The following PRKG1 variants were observed in gnomAD, a reference collection of about 807,000 sequenced individuals.
PRKG1 encodes the protein protein kinase cGMP-dependent 1, also known as cGMP-dependent protein kinase 1.
PRKG1 carries 35 observed loss-of-function variants against 88.1 expected under a neutral mutation model. The observed-to-expected ratio is 0.40, with a 90% CI of 0.30 to 0.53. PRKG1 has a LOEUF of 0.53. Among genes scored for constraint, PRKG1 ranks in the 20% least tolerant of loss-of-function variants. PRKG1 has a pLI of 0.59. For missense variants in PRKG1, 540 were observed against 839.8 expected (o/e 0.64, Z 4.41); for synonymous variants, 303 against 292.5 (o/e 1.04, Z -0.37).
chr10:51,602,780 G>GTGTGTGTA (rs1267497718), intron 3 of PRKG1, among the ~76,000 whole-genome samples: 3 of 126,486 alleles, frequency 2.4e-5, no homozygotes, highest in African/African-American at 1.2e-4. Context: ...GTGTGTGTGT[G>GTGTGTGTA]TATATATTCA....
chr10:51,400,536 T>A (rs769284587), intron 2 of PRKG1, among the ~76,000 whole-genome samples: 14 of 152,156 alleles, frequency 9.2e-5, no homozygotes, highest in Non-Finnish European at 1.8e-4. Flanking sequence ...GATTCAAACA[T>A]CCAGACGTAG....
chr10:51,251,644 T>C (rs1028255196), intron 2 of PRKG1, among the ~76,000 whole-genome samples: 1 of 151,750 alleles, frequency 6.6e-6, no homozygotes, highest in Non-Finnish European at 1.5e-5. Context: ...CTAAAAGGTA[T>C]TTTTTACCCC....
chr10:51,147,007 C>T (rs777805683), intron 1 of PRKG1, among the ~76,000 whole-genome samples: 1 of 151,964 alleles, frequency 6.6e-6, no homozygotes, highest in Non-Finnish European at 1.5e-5. Context: ...CATAGATGAA[C>T]CTGGAGGACA....
At chr10:51,323,872 A>G (rs1009113218) in intron 2 of PRKG1, among the ~76,000 whole-genome samples, 1 of 152,138 alleles carries the variant, frequency 6.6e-6, no homozygotes, top group East Asian at 1.9e-4. Context: ...AGATTGCTTG[A>G]GCCCAGGAGT....
At chr10:51,207,711 A>C (rs549496541) in intron 2 of PRKG1, among the ~76,000 whole-genome samples, 2 of 152,290 alleles carry the variant, frequency 1.3e-5, no homozygotes, top group East Asian at 3.9e-4. Flanking sequence ...GCAGATTACA[A>C]GTAAGTGGAA....
chr10:51,575,503 C>T (rs1011292403), intron 3 of PRKG1, among the ~76,000 whole-genome samples: 4 of 151,952 alleles, frequency 2.6e-5, no homozygotes, highest in South Asian at 2.1e-4. Flanking sequence ...TTATATTTTA[C>T]CTGGGTTGAT....
At chr10:51,865,871 A>AT (rs1036979875) in intron 4 of PRKG1, among the ~76,000 whole-genome samples, 5 of 152,034 alleles carry the variant, frequency 3.3e-5, no homozygotes, top group Non-Finnish European at 7.4e-5. Flanking sequence ...AATAAGCATT[A>AT]TTTTTTAAAT....
At chr10:51,471,226 T>G (rs555978148) in intron 3 of PRKG1, among the ~76,000 whole-genome samples, 1 of 151,968 alleles carries the variant, frequency 6.6e-6, no homozygotes, top group Non-Finnish European at 1.5e-5. Flanking sequence ...ATCTTTCCAA[T>G]CACAAACATT....
intron 3 of PRKG1, among the ~76,000 whole-genome samples, chr10:51,759,194 T>A (rs1837953263): frequency 6.6e-6 from 1 of 152,184 alleles, no homozygotes; most frequent in Admixed American, 6.5e-5. Flanking sequence ...TGATTTATAA[T>A]CCTTTGGGTA....
chr10:51,505,302 T>G (rs1197147071), intron 3 of PRKG1, among the ~76,000 whole-genome samples: 32 of 152,222 alleles, frequency 2.1e-4, no homozygotes, highest in Admixed American at 2.1e-3. Context: ...GAACCAGCCT[T>G]GCATCCCAGG....
chr10:51,721,313 C>T (rs957069342), intron 3 of PRKG1, among the ~76,000 whole-genome samples: 1 of 151,782 alleles, frequency 6.6e-6, no homozygotes, highest in Non-Finnish European at 1.5e-5. Context: ...TTAGTTGGTG[C>T]TGGCTTTTTT....
At chr10:52,163,037 G>A (rs1431052547) in intron 9 of PRKG1, among the ~76,000 whole-genome samples, 1 of 151,970 alleles carries the variant, frequency 6.6e-6, no homozygotes, top group African/African-American at 2.4e-5. Context: ...ATTCAGTTTA[G>A]ACTTCAGTTT....
chr10:51,947,440 C>CCAGG (rs1843072719), intron 5 of PRKG1, among the ~76,000 whole-genome samples: 2 of 150,344 alleles, frequency 1.3e-5, no homozygotes, highest in African/African-American at 4.9e-5. Flanking sequence ...CCTCGCCCTG[C>CCAGG]TTCGGCTCGC....
chr10:52,062,563 G>T lies in PRKG1; in HGVS notation c.867G>T (p.Pro289=). Residue 289 remains proline (P), a synonymous_variant, in exon 7 of 18, where the codon CCG becomes CCT. Coordinates refer to ENST00000373980, the MANE Select transcript of PRKG1 (RefSeq NM_006258.4). ...TAAATGTCACTCGTGAAGACTCACC[G>T]AGTGAAGACCCAGTCTTTCTTAGAA... ...GTVNVTREDS[P]SEDPVFLRTL... 6.2e-7 allele frequency: 1 copy of T among 1,604,602 alleles called. No individual in the cohort carries two copies. The highest frequency in any genetic ancestry group is 8.5e-7 in the Non-Finnish European group (1 of 1,176,986).
At chr10:51,342,321 AATGTC>A (rs1451333971) in intron 2 of PRKG1, among the ~76,000 whole-genome samples, 2 of 152,164 alleles carry the variant, frequency 1.3e-5, no homozygotes, top group African/African-American at 4.8e-5. Flanking sequence ...AGATTAGGAA[AATGTC>A]ATACAGAGAG....
chr10:51,744,704 G>A (rs556251213), intron 3 of PRKG1, among the ~76,000 whole-genome samples: 46 of 152,264 alleles, frequency 3.0e-4, no homozygotes, highest in African/African-American at 1.0e-3. Flanking sequence ...CTGCTTACTG[G>A]AAGCTGTTGC....
intron 1 of PRKG1, among the ~76,000 whole-genome samples, chr10:51,109,440 A>G (rs1844926375): frequency 6.6e-6 from 1 of 152,090 alleles, no homozygotes; most frequent in Non-Finnish European, 1.5e-5. Context: ...ACACATATAT[A>G]GATACATGAT....
chr10:51,628,459 A>G (rs1839430895), intron 3 of PRKG1, among the ~76,000 whole-genome samples: 1 of 151,484 alleles, frequency 6.6e-6, no homozygotes, highest in South Asian at 2.1e-4. Context: ...CACTACCCCC[A>G]GCCTGGTCTT....
intron 8 of PRKG1, among the ~76,000 whole-genome samples, chr10:52,154,675 T>G (rs1449857741): frequency 6.6e-6 from 1 of 152,120 alleles, no homozygotes; most frequent in African/African-American, 2.4e-5. Context: ...ATTTTTGGAG[T>G]ACAGGTGGTT....
Sources: gnomAD v4.1 joint callset for allele counts (sites outside exome capture counted in the v4.1 genomes callset) on GRCh38, gnomAD v4.1.1 for gene constraint, MANE v1.5 for transcripts, NCBI Gene and HGNC (gene_info 2026-07-23, HGNC 2026-07-21) for gene names.